The following TCOF1 variants were observed in gnomAD, a reference collection of about 807,000 sequenced individuals.
TCOF1 encodes the protein treacle protein.
Under a neutral mutation model 149.0 loss-of-function variants are expected in TCOF1, and 33 were observed. The observed-to-expected ratio is 0.22, with a 90% CI of 0.17 to 0.30. The LOEUF is 0.30. Ranked by LOEUF, TCOF1 falls within the 10% of genes least tolerant of loss-of-function variation. TCOF1 has a pLI of 1.00. For synonymous variants in TCOF1, 789 were observed against 738.8 expected, an observed-to-expected ratio of 1.07 and a Z score of -1.10; for missense variants, 1,728 against 1,840.7, an observed-to-expected ratio of 0.94 and a Z score of 1.12.
rs746296631 is a variant in TCOF1 at position 150,374,172 on chromosome 5, A to G, written c.871-2A>G. ...AGCAAGCTGCCCTTTCTTTTTCACC[A>G]GGTAAAGGCCTCTGAAAAAATTCTC... On this transcript the variant is annotated splice_acceptor_variant, in intron 7 of 26. Coordinates refer to ENST00000643257, the MANE Select transcript of TCOF1 (RefSeq NM_001371623.1). LOFTEE classifies it high-confidence loss of function. 6.2e-7 allele frequency: 1 copy of G among 1,610,838 alleles called. No homozygotes were observed. The highest frequency in any genetic ancestry group is 8.5e-7 in the Non-Finnish European group (1 of 1,178,870).
At chr5:150,390,120 G>C (rs1231489403) in intron 19 of TCOF1, 97 bp downstream of exon 19, 1 of 1,532,796 alleles carries the variant, frequency 6.5e-7, no homozygotes, top group Non-Finnish European at 8.8e-7. Context: ...TGCAATTGCT[G>C]TCACGCCCAC....
intron 6 of TCOF1, among the ~76,000 whole-genome samples, chr5:150,370,664 G>T (rs1402221593): frequency 6.6e-6 from 1 of 152,136 alleles, no homozygotes; most frequent in Non-Finnish European, 1.5e-5. Context: ...CCAAAACCTT[G>T]ATCTTTAAAT....
intron 4 of TCOF1, 164 bp downstream of exon 4, chr5:150,368,081 T>G (rs1186423357): frequency 1.4e-6 from 1 of 692,910 alleles, no homozygotes; most frequent in Non-Finnish European, 2.5e-6. Context: ...TTCACCTCTC[T>G]GGGCCTCAGT....
intron 2 of TCOF1, among the ~76,000 whole-genome samples, chr5:150,361,455 T>C (rs1291647090): frequency 1.3e-5 from 2 of 152,214 alleles, no homozygotes; most frequent in African/African-American, 4.8e-5. Context: ...AGCTTGTCAG[T>C]TGCTCAGCAA....
chr5:150,386,675 C>G (rs571709304), intron 17 of TCOF1, among the ~76,000 whole-genome samples: 2 of 152,198 alleles, frequency 1.3e-5, no homozygotes, highest in Non-Finnish European at 2.9e-5. Flanking sequence ...TCTTCCTGCC[C>G]TCCAGCTCTT....
Position 150,375,333 on chromosome 5 carries a change from TCCCAGGTGAAGCCCTTGGGGAAAAGCC to T in TCOF1, c.1494_1520del (p.Leu500_Pro508del). The T allele has an allele frequency of 1.9e-6, 3 of 1,610,870 alleles. No individual in the cohort carries two copies. Among genetic ancestry groups the T allele is most frequent in the South Asian group, 2.2e-5 (2 of 90,952 alleles). On this transcript the variant is annotated splice_acceptor_variant and splice_polypyrimidine_tract_variant and coding_sequence_variant and intron_variant, in exon 11 of 27. Coordinates refer to ENST00000643257, the MANE Select transcript of TCOF1 (RefSeq NM_001371623.1). LOFTEE classifies it high-confidence loss of function. ...CCTCCCTAATCTTGTCCTTTGTGTCTCCCAGGTGAAGCCCTTGGGGAAAAGCCCCCAGGTGAAACCTGCCTCTACCAT... is the reference window on the plus strand; with the variant it reads ...CCTCCCTAATCTTGTCCTTTGTGTCTCCCAGGTGAAACCTGCCTCTACCAT...
chr5:150,387,544 G>A (rs1164689824), intron 17 of TCOF1, among the ~76,000 whole-genome samples: 1 of 152,226 alleles, frequency 6.6e-6, no homozygotes, highest in East Asian at 1.9e-4. Flanking sequence ...GGGGAAAGAA[G>A]GCAGAATTGG....
At chr5:150,387,159 A>G (rs779499952) in intron 17 of TCOF1, among the ~76,000 whole-genome samples, 35 of 152,332 alleles carry the variant, frequency 2.3e-4, no homozygotes, top group Middle Eastern at 3.4e-3. Flanking sequence ...AAGCACAACT[A>G]CGATACAGTG....
chr5:150,364,447 G>A (rs1362293489), intron 3 of TCOF1, among the ~76,000 whole-genome samples, 195 bp downstream of exon 3: 1 of 152,160 alleles, frequency 6.6e-6, no homozygotes, highest in Non-Finnish European at 1.5e-5. Context: ...CTCTGGGGGT[G>A]CAAGGCCGAA....
At position 150,357,742 on chromosome 5, in the gene TCOF1, C is replaced by G. The variant is rs574618556; in HGVS notation, c.-5C>G. ...CAGGTAGCCGGCCGGCCGGGGGTCG[C>G]GGGTATGGCCGAGGCCAGGAAGCGG... On this transcript the variant is annotated 5_prime_UTR_variant, in exon 1 of 27. Coordinates refer to ENST00000643257, the MANE Select transcript of TCOF1 (RefSeq NM_001371623.1). 1.2e-5 allele frequency: 18 copies of G among 1,548,102 alleles called. No individual in the cohort carries two copies. The Admixed American group carries it at 3.5e-4, about 30-fold the overall frequency.
intron 5 of TCOF1, 85 bp from the exon 6 acceptor site, chr5:150,369,444 G>A (rs958145192): frequency 1.4e-5 from 21 of 1,519,906 alleles, no homozygotes; most frequent in Non-Finnish European, 1.8e-5. Context: ...GCTTTGATGA[G>A]CAGCTGGTTT....
intron 17 of TCOF1, among the ~76,000 whole-genome samples, chr5:150,386,983 G>A (rs1045876809): frequency 5.3e-5 from 8 of 152,120 alleles, no homozygotes; most frequent in Non-Finnish European, 8.8e-5. Flanking sequence ...GAACCCCCAC[G>A]TACCATCCCC....
rs200546518 is a variant in TCOF1 at position 150,376,253 on chromosome 5, C to T, written c.2065C>T (p.Pro689Ser). ...AGCTGTGGCTGGGGGCACCCAGAGA[C>T]CAGCAGAGGATTCTTCAAGCAGTGA... ...SPAVAGGTQR[P>S]AEDSSSSEES... Residue 689 changes from proline to serine, a missense_variant, in exon 13 of 27, where the codon CCA becomes TCA. Physicochemically the swap from Pro to Ser is moderately conservative, Grantham distance 74 (BLOSUM62 -1). Around this residue, in one of 2 missense-constraint regions of TCOF1, gnomAD observed 1,696 missense variants for 1,765.4 expected, o/e 0.96. Coordinates refer to ENST00000643257, the MANE Select transcript of TCOF1 (RefSeq NM_001371623.1). The T allele has an allele frequency of 1.2e-6, 2 of 1,614,078 alleles. No individual in the cohort carries two copies. Among genetic ancestry groups the T allele is most frequent in the African/African-American group, 2.7e-5 (2 of 74,932 alleles).
rs117877067 is a variant in TCOF1, at chr5:150,400,243, G to T, written c.*456G>T. ...GTCAGTTCTTTTGGTTGTGTTTTTT[G>T]TTTTTTTTTTAATAACTCAAAAAAA... On this transcript the variant is annotated 3_prime_UTR_variant, in exon 27 of 27. Coordinates refer to ENST00000643257, the MANE Select transcript of TCOF1 (RefSeq NM_001371623.1). The T allele has an allele frequency of 2.1e-5, 3 of 144,724 alleles. No homozygotes were observed. The highest frequency in any genetic ancestry group is 2.2e-4 in the South Asian group (1 of 4,548). 9.0% of individuals were successfully genotyped at this position (144,724 alleles called of 1,614,324 possible).
Position 150,373,502 on chromosome 5 carries a change from C to T in TCOF1, c.871-672C>T, listed in dbSNP as rs192250166. 3.2e-4 allele frequency among the ~76,000 whole-genome samples: 49 copies of T among 152,314 alleles called. 1 individual carries two copies. Among genetic ancestry groups the T allele is most frequent in the Admixed American group, 8.5e-4 (13 of 15,300 alleles). ...GTTTTCTAGGGTTGTTGGCCCAGGG[C>T]TGAACACCCAGGGCCTTCCAGGGAA... On this transcript the variant is annotated intron_variant, in intron 7 of 26. Transcript: ENST00000643257.
chr5:150,361,011 C>G, intron 1 of TCOF1, 145 bp from the exon 2 acceptor site: 1 of 946,232 alleles, frequency 1.1e-6, no homozygotes, highest in Middle Eastern at 2.2e-4. Flanking sequence ...GCTGAGATTA[C>G]AGGTATGAGC....
intron 11 of TCOF1, 78 bp downstream of exon 11, chr5:150,375,632 A>T: frequency 6.2e-7 from 1 of 1,611,550 alleles, no homozygotes; most frequent in Non-Finnish European, 8.5e-7. Flanking sequence ...CCAACCTCAC[A>T]CTGGGACTCT....
In TCOF1 at chr5:150,389,983, G is replaced by C; in HGVS notation, c.3143G>C (p.Arg1048Pro). The C allele has an allele frequency of 6.2e-7, 1 of 1,613,886 alleles. No homozygotes were observed. The highest frequency in any genetic ancestry group is 1.1e-5 in the South Asian group (1 of 91,054). Residue 1048 changes from arginine (R) to proline (P), a missense_variant, in exon 19 of 27, where the codon CGG becomes CCG. By Grantham distance (103) the Arg-to-Pro change is moderately radical. Transcript: ENST00000643257. ...GCCAGCAGCAGCAAGGAGTCCAGTC[G>C]GATATCAGATGGCAAGAAACAGGAG... ...AGASSSKESSRISDGKKQEGP... is the reference protein window; with the variant it reads ...AGASSSKESSPISDGKKQEGP...
chr5:150,396,515 AGGAAGGGCT>A lies in TCOF1; in HGVS notation c.4021_4029del (p.Lys1341_Trp1343del). The A allele has an allele frequency of 6.2e-7, 1 of 1,611,232 alleles. No homozygotes were observed. Among genetic ancestry groups the A allele is most frequent in the Non-Finnish European group, 8.5e-7 (1 of 1,178,798 alleles). The stretch of plus-strand genomic sequence containing the variant: ...GGTGGACACCACCAAGGAGAGCAGC[AGGAAGGGCT>A]GGGAGAGCCGCAAGCGGAAGCTATC... On this transcript the variant is annotated inframe_deletion, in exon 24 of 27. Coordinates refer to ENST00000643257, the MANE Select transcript of TCOF1 (RefSeq NM_001371623.1).
Sources: allele counts gnomAD v4.1 joint callset (sites outside exome capture counted in the v4.1 genomes callset), GRCh38; gene constraint gnomAD v4.1.1; regional missense constraint gnomAD v4.1.1; transcripts MANE v1.5; gene names NCBI Gene and HGNC (gene_info 2026-07-23, HGNC 2026-07-21).